The following CDCA5 variants were observed in gnomAD, a reference collection of about 807,000 sequenced individuals.
CDCA5 encodes the protein sororin.
In CDCA5, 14 loss-of-function variants were observed where a neutral mutation model predicts 25.7. The ratio of observed to expected loss-of-function variants is 0.54; its 90% CI spans 0.36 to 0.85. CDCA5 has a LOEUF of 0.85. Ranked by LOEUF, CDCA5 falls within the 40% of genes least tolerant of loss-of-function variation. The pLI, the probability that CDCA5 is intolerant of heterozygous loss-of-function variation, is 0.01. For missense variants in CDCA5, 307 were observed against 324.5 expected, an observed-to-expected ratio of 0.95 and a Z score of 0.41; for synonymous variants, 127 against 128.7, an observed-to-expected ratio of 0.99 and a Z score of 0.09.
At chr11:65,067,130 G>C in intron 4 of CDCA5, among the ~76,000 whole-genome samples, 1 of 152,260 alleles carries the variant, frequency 6.6e-6, no homozygotes, top group East Asian at 1.9e-4. Flanking sequence ...CAAGAGCAGG[G>C]CAGGCTGCTT....
chr11:65,066,317 T>G, downstream of CDCA5: 5 of 1,155,900 alleles, frequency 4.3e-6, no homozygotes, highest in Non-Finnish European at 5.4e-6. Context: ...CCAAGTTTAT[T>G]TCTGGGATCT....
In CDCA5 at chr11:65,083,721, G is replaced by A. The variant is rs1947626899; in HGVS notation, c.49C>T (p.Pro17Ser). Residue 17 changes from proline (P) to serine (S), a missense_variant and splice_region_variant, in exon 2 of 6, where the codon CCA (proline) becomes TCA (serine). Physicochemically the swap from Pro to Ser is moderately conservative, Grantham distance 74. Coordinates refer to ENST00000275517, the MANE Select transcript of CDCA5 (RefSeq NM_080668.4). The part of the protein sequence containing the change: ...RSGGAAQRSG[P>S]RAPSPTKPLR... ...GGCTTAGTAGGAGATGGGGCCCTTG[G>A]CCCTGGAAAGAGAAAAAAGTTAAGT... 3.1e-6 allele frequency: 5 copies of A among 1,610,518 alleles called. No homozygotes were observed. The highest frequency in any genetic ancestry group is 4.2e-6 in the Non-Finnish European group (5 of 1,178,934).
At chr11:65,077,233 A>T (rs578221151), downstream of CDCA5, among the ~76,000 whole-genome samples, 24 of 152,180 alleles carry the variant, frequency 1.6e-4, no homozygotes, top group South Asian at 5.0e-3. Flanking sequence ...GTTGCAGTCA[A>T]CTGAGATCAC....
chr11:65,076,429 TAAC>T (rs1344191847), downstream of CDCA5, among the ~76,000 whole-genome samples: 3 of 152,170 alleles, frequency 2.0e-5, no homozygotes, highest in Non-Finnish European at 4.4e-5. Context: ...TGTCATTTTT[TAAC>T]AACAAAGCAA....
At chr11:65,065,046 T>C (rs1433505230), downstream of CDCA5, among the ~76,000 whole-genome samples, 1 of 151,994 alleles carries the variant, frequency 6.6e-6, no homozygotes, top group Non-Finnish European at 1.5e-5. Context: ...TGAATTTCCA[T>C]CCTCTTGGCT....
Position 65,067,478 on chromosome 11 carries a change from C to T in CDCA5, c.368+177G>A, listed in dbSNP as rs557686387. ...GGACCCCAGCTCCAGAGCCCGACAT[C>T]CAGAGAACAAGCCCCTCCCCCAGAC... is the stretch of plus-strand genomic sequence containing the variant. On this transcript the variant is annotated intron_variant, in intron 4 of 6. Transcript: ENST00000525464. 2.6e-5 allele frequency among the ~76,000 whole-genome samples: 4 copies of T among 152,302 alleles called. No homozygotes were observed. In the East Asian group the frequency reaches 7.7e-4, roughly 29 times the overall value.
At chr11:65,064,385 T>C (rs183892879), downstream of CDCA5, among the ~76,000 whole-genome samples, 70 of 142,600 alleles carry the variant, frequency 4.9e-4, no homozygotes, top group African/African-American at 1.7e-3. Context: ...GCCACTGCAC[T>C]GTAGCGTGGG....
Position 65,068,670 on chromosome 11 carries a change from T to A in CDCA5, c.64-69A>T. On this transcript the variant is annotated intron_variant, in intron 1 of 6. Coordinates refer to the CDCA5 transcript ENST00000525464. The stretch of plus-strand genomic sequence containing the variant: ...CCGCTATGCCATTTCTAGCCTGGTC[T>A]GGTTTTTAGGGGGCGGCTTCCAGCC... The A allele has an allele frequency of 5.9e-6, 6 of 1,017,832 alleles. No homozygotes were observed. The South Asian group carries it at 8.1e-5, about 14-fold the overall frequency. 63.1% of individuals were successfully genotyped at this position (1,017,832 alleles called of 1,614,324 possible).
At chr11:65,079,280 A>G (rs1157765768) in intron 5 of CDCA5, 73 bp downstream of exon 5, 1 of 1,610,482 alleles carries the variant, frequency 6.2e-7, no homozygotes. Flanking sequence ...CCTATCCCCC[A>G]AAAGAGCCAG....
chr11:65,069,708 AT>A (rs1389253760), intron 1 of CDCA5, among the ~76,000 whole-genome samples: 2 of 152,238 alleles, frequency 1.3e-5, no homozygotes. Flanking sequence ...ACAGTAGCTG[AT>A]TTACACCATG....
downstream of CDCA5, among the ~76,000 whole-genome samples, chr11:65,074,398 T>A (rs1040426751): frequency 6.6e-6 from 1 of 152,170 alleles, no homozygotes; most frequent in East Asian, 1.9e-4. Context: ...TAAGGCTGAA[T>A]AATATTCCAC....
In CDCA5 at chr11:65,078,101, T is replaced by C. The variant is rs773989506; in HGVS notation, c.*1006A>G. On this transcript the variant is annotated 3_prime_UTR_variant, in exon 6 of 6. Coordinates refer to ENST00000275517, the MANE Select transcript of CDCA5 (RefSeq NM_080668.4). ...TAAAATTGCTATCAGCCCCCGCCGC[T>C]GTCTGGTACGCGAGGAAACTTTCCG... 9 of 985,386 alleles carry C rather than the reference T, an allele frequency of 9.1e-6. No homozygotes were observed. Among genetic ancestry groups the C allele is most frequent in the South Asian group, 4.7e-5 (1 of 21,296 alleles). The allele number at this position is 985,386 out of a possible 1,614,324, so 61.0% of individuals were successfully genotyped here. A position where few individuals can be genotyped will look rare whatever the true frequency, so the allele number is the denominator to read the frequency against.
chr11:65,067,237 G>T (rs1390167738), intron 4 of CDCA5, among the ~76,000 whole-genome samples: 4 of 152,222 alleles, frequency 2.6e-5, no homozygotes, highest in Non-Finnish European at 4.4e-5. Context: ...GTTGCAACAG[G>T]ATTCTCTGTG....
intron 4 of CDCA5, among the ~76,000 whole-genome samples, chr11:65,080,628 C>G (rs1947546257): frequency 6.6e-6 from 1 of 152,022 alleles, no homozygotes; most frequent in Non-Finnish European, 1.5e-5. Context: ...CTTTGTTGCC[C>G]AGGCTGGTCC....
At chr11:65,066,852 T>C in exon 5 of CDCA5, 3 of 1,289,322 alleles carry the variant, frequency 2.3e-6, no homozygotes, top group Non-Finnish European at 3.0e-6. Context: ...GGTTGTGCAC[T>C]TGGGTGGTGT....
intron 4 of CDCA5, among the ~76,000 whole-genome samples, chr11:65,082,141 T>A (rs977358451): frequency 2.0e-5 from 3 of 152,196 alleles, no homozygotes; most frequent in African/African-American, 7.2e-5. Flanking sequence ...CCACTGGTCT[T>A]GGAGCCCCAG....
At chr11:65,071,386 G>T (rs1352505022) in intron 1 of CDCA5, among the ~76,000 whole-genome samples, 6 of 145,160 alleles carry the variant, frequency 4.1e-5, no homozygotes, top group African/African-American at 1.5e-4. Context: ...TCGCTTTGTT[G>T]CCCAGGCTGG....
In CDCA5 at chr11:65,084,034, C is replaced by T; in HGVS notation, c.-56G>A. 6.4e-7 allele frequency: 1 copy of T among 1,569,352 alleles called. No individual in the cohort carries two copies. Among genetic ancestry groups the T allele is most frequent in the African/African-American group, 1.4e-5 (1 of 73,336 alleles). ...GCCGCCGCCCCGGGCGCGCGCCAAC[C>T]GGGAAGGCCACTCGCTGCAAAAAAC... On this transcript the variant is annotated 5_prime_UTR_variant, in exon 1 of 6. Coordinates refer to ENST00000275517, the MANE Select transcript of CDCA5 (RefSeq NM_080668.4).
At chr11:65,074,783 T>C (rs539909282), downstream of CDCA5, among the ~76,000 whole-genome samples, 220 of 144,104 alleles carry the variant, frequency 1.5e-3, 1 homozygote, top group African/African-American at 5.5e-3. Context: ...GGGTTTTGGC[T>C]GGGCATGGTG....
Sources: gnomAD v4.1 joint callset for allele counts (sites outside exome capture counted in the v4.1 genomes callset) on GRCh38, gnomAD v4.1.1 for gene constraint, MANE v1.5 for transcripts, NCBI Gene and HGNC (gene_info 2026-07-23, HGNC 2026-07-21) for gene names.